The following WDR72 variants were observed in gnomAD, a reference collection of about 807,000 sequenced individuals.
WDR72 encodes WD repeat-containing protein 72.
WDR72 carries 120 observed loss-of-function variants against 124.2 expected under a neutral mutation model. The ratio of observed to expected loss-of-function variants is 0.97; its 90% CI spans 0.83 to 1.12. The LOEUF is 1.12. WDR72 is among the 50% of genes most tolerant of loss of function. The pLI, the probability that WDR72 is intolerant of heterozygous loss-of-function variation, is 0.00. For missense variants in WDR72, 1,387 were observed against 1,278.8 expected (o/e 1.08, Z -1.29); for synonymous variants, 452 against 441.7 (o/e 1.02, Z -0.29).
At chr15:53,583,433 T>C (rs1405586774) in intron 18 of WDR72, among the ~76,000 whole-genome samples, 2 of 135,676 alleles carry the variant, frequency 1.5e-5, no homozygotes, top group East Asian at 4.1e-4. Flanking sequence ...TTTAGTTCAT[T>C]TGGAAAACTT....
chr15:53,665,744 C>T lies in WDR72; in HGVS notation c.1790G>A (p.Gly597Glu). The change falls in exon 14 of 20, where the codon GGA (glycine) becomes GAA (glutamate). Residue 597 changes from glycine to glutamate, a missense_variant. Coordinates refer to ENST00000360509, the MANE Select transcript of WDR72 (RefSeq NM_182758.4). ...ETGTLERHET[G>E]ERARIILNCC... ...ATTAAGAATAATTCGTGCTCTTTCT[C>T]CTGTCTCATGTCTTTCCAAAGTGCC... The T allele has an allele frequency of 1.9e-6, 3 of 1,613,798 alleles. No homozygotes were observed. The highest frequency in any genetic ancestry group is 2.5e-6 in the Non-Finnish European group (3 of 1,179,830).
chr15:53,597,336 CA>C, intron 17 of WDR72, 62 bp from the exon 18 acceptor site: 2 of 1,523,194 alleles, frequency 1.3e-6, no homozygotes, highest in Non-Finnish European at 9.0e-7. Flanking sequence ...GGGTATGTTG[CA>C]AAAAATCCAA....
At chr15:53,736,571 G>A (rs2018360364) in intron 1 of WDR72, among the ~76,000 whole-genome samples, 1 of 152,204 alleles carries the variant, frequency 6.6e-6, no homozygotes, top group Non-Finnish European at 1.5e-5. Context: ...TACAAGGATG[G>A]TCTGGCACAA....
Position 53,615,667 on chromosome 15 carries a change from C to T in WDR72, c.2539G>A (p.Asp847Asn), listed in dbSNP as rs2013727803. The part of the protein sequence containing the change: ...DNFSLMLPGW[D>N]LCNSGMIKDY... ...TTTATCATTCCACTATTGCATAAAT[C>T]CCAACCTGGCAACATCAGTGAGAAA... Residue 847 changes from aspartate to asparagine, a missense_variant, in exon 15 of 20, where the codon GAT (aspartate) becomes AAT (asparagine). Physicochemically the swap from Asp to Asn is conservative, Grantham distance 23 (BLOSUM62 1). Coordinates refer to ENST00000360509, the MANE Select transcript of WDR72 (RefSeq NM_182758.4). The T allele has an allele frequency of 1.2e-6, 2 of 1,611,598 alleles. No individual in the cohort carries two copies. Among genetic ancestry groups the T allele is most frequent in the African/African-American group, 2.7e-5 (2 of 74,820 alleles).
chr15:53,650,893 G>GTTTTT lies in WDR72; in HGVS notation c.1962+14674_1962+14678dup, dbSNP rs71297666. Among the ~76,000 whole-genome samples, 53 of 106,754 alleles carry GTTTTT rather than the reference G, an allele frequency of 5.0e-4. 3 individuals are homozygous for GTTTTT. Among genetic ancestry groups the GTTTTT allele is most frequent in the East Asian group, 1.1e-3 (4 of 3,488 alleles). The allele number at this position is 106,754 out of a possible 152,430, so 70.0% of individuals were successfully genotyped here. ...CAGACACACTCTCTCCTCTAATTCAGTTTTTTTTTTTTTTTTTTTTTTTAC... is the reference window on the plus strand; with the variant it reads ...CAGACACACTCTCTCCTCTAATTCAGTTTTTTTTTTTTTTTTTTTTTTTTTTTTAC... On this transcript the variant is annotated intron_variant, in intron 14 of 19. Coordinates refer to ENST00000360509, the MANE Select transcript of WDR72 (RefSeq NM_182758.4).
chr15:53,742,205 T>G (rs1373006680), intron 1 of WDR72, among the ~76,000 whole-genome samples: 1 of 152,216 alleles, frequency 6.6e-6, no homozygotes. Context: ...CGTAGTGTCT[T>G]GCTATCAATA....
At chr15:53,592,889 T>G (rs1213533038) in intron 18 of WDR72, among the ~76,000 whole-genome samples, 1 of 152,122 alleles carries the variant, frequency 6.6e-6, no homozygotes, top group Non-Finnish European at 1.5e-5. Context: ...CAAGTTCTTA[T>G]TAAAGAGATT....
At chr15:53,745,207 T>C (rs1032329489) in intron 1 of WDR72, among the ~76,000 whole-genome samples, 4 of 152,146 alleles carry the variant, frequency 2.6e-5, no homozygotes, top group Admixed American at 2.0e-4. Context: ...TGATTCTGCA[T>C]AGATAACTTT....
Position 53,699,961 on chromosome 15 carries a change from A to T in WDR72, c.1570-16T>A. ...CACCCCTTAGCTGTGAAAAAACAAC[A>T]TGCTTATGTAAGTAAATAGTCAAAT... On this transcript the variant is annotated splice_polypyrimidine_tract_variant and intron_variant, in intron 12 of 19. Coordinates refer to ENST00000360509, the MANE Select transcript of WDR72 (RefSeq NM_182758.4). 6.2e-7 allele frequency: 1 copy of T among 1,614,052 alleles called. No homozygotes were observed. Among genetic ancestry groups the T allele is most frequent in the Non-Finnish European group, 8.5e-7 (1 of 1,179,904 alleles).
intron 14 of WDR72, among the ~76,000 whole-genome samples, chr15:53,621,904 A>C (rs59055966): frequency 0.079 from 11,998 of 152,178 alleles, 1,579 homozygotes; most frequent in African/African-American, 0.28. Flanking sequence ...CAGAATCTAC[A>C]AGGAACTTAA....
At chr15:53,725,125 T>C in intron 2 of WDR72, among the ~76,000 whole-genome samples, 2 of 152,154 alleles carry the variant, frequency 1.3e-5, no homozygotes, top group South Asian at 4.1e-4. Context: ...GTTAAAAACC[T>C]AATTAAAATA....
chr15:53,586,331 G>A (rs575620946), intron 18 of WDR72, among the ~76,000 whole-genome samples: 39 of 152,098 alleles, frequency 2.6e-4, no homozygotes, highest in African/African-American at 9.4e-4. Flanking sequence ...TGGACTATTG[G>A]ACTTTAAGGA....
chr15:53,552,844 G>A (rs561442542), intron 18 of WDR72, among the ~76,000 whole-genome samples: 1 of 152,122 alleles, frequency 6.6e-6, no homozygotes, highest in African/African-American at 2.4e-5. Context: ...CATCCCCTTT[G>A]GCTTGGAAAA....
intron 18 of WDR72, among the ~76,000 whole-genome samples, chr15:53,563,996 A>G (rs1894213330): frequency 1.3e-5 from 2 of 151,890 alleles, no homozygotes; most frequent in Admixed American, 6.6e-5. Flanking sequence ...AACTTGATGT[A>G]TAAGTGAAGT....
At chr15:53,594,672 G>C (rs1486745046) in intron 18 of WDR72, among the ~76,000 whole-genome samples, 1 of 150,230 alleles carries the variant, frequency 6.7e-6, no homozygotes, top group Non-Finnish European at 1.5e-5. Context: ...CTTGCCTATA[G>C]TCCCAGCTAC....
intron 16 of WDR72, 85 bp from the exon 17 acceptor site, chr15:53,609,677 C>T: frequency 1.7e-6 from 2 of 1,163,752 alleles, no homozygotes; most frequent in South Asian, 1.3e-5. Flanking sequence ...TTAGAATCAC[C>T]TGGGAAGCTT....
At chr15:53,600,007 A>G (rs1439170456) in intron 17 of WDR72, among the ~76,000 whole-genome samples, 1 of 152,148 alleles carries the variant, frequency 6.6e-6, no homozygotes, top group Non-Finnish European at 1.5e-5. Flanking sequence ...ACAACATTTA[A>G]AAGTGAATAC....
chr15:53,598,946 A>G (rs1351031780), intron 17 of WDR72, among the ~76,000 whole-genome samples: 1 of 152,064 alleles, frequency 6.6e-6, no homozygotes. Flanking sequence ...TGACATGGTG[A>G]AACCCCGTCT....
At chr15:53,674,912 G>A (rs567522630) in intron 13 of WDR72, among the ~76,000 whole-genome samples, 2 of 152,036 alleles carry the variant, frequency 1.3e-5, no homozygotes, top group East Asian at 3.9e-4. Flanking sequence ...CAGAAAAACG[G>A]AATAAAGAGG....
Sources: gnomAD v4.1 joint callset for allele counts (sites outside exome capture counted in the v4.1 genomes callset) on GRCh38, gnomAD v4.1.1 for gene constraint, MANE v1.5 for transcripts, NCBI Gene and HGNC (gene_info 2026-07-23, HGNC 2026-07-21) for gene names.